Variants in DOCK4 observed in about 807,000 individuals in gnomAD.
DOCK4 encodes the protein dedicator of cytokinesis 4.
In DOCK4, 97 loss-of-function variants were observed where a neutral mutation model predicts 268.1. The ratio of observed to expected loss-of-function variants is 0.36; its 90% CI spans 0.31 to 0.43. The LOEUF is 0.43. Ranked by LOEUF, DOCK4 falls within the 20% of genes least tolerant of loss-of-function variation. The pLI is 1.00. For synonymous variants in DOCK4, 954 were observed against 887.2 expected (o/e 1.08, Z -1.34); for missense variants, 2,145 against 2,455.7 (o/e 0.87, Z 2.67).
intron 27 of DOCK4, among the ~76,000 whole-genome samples, chr7:111,822,013 G>C (rs370240522): frequency 5.3e-5 from 8 of 152,290 alleles, no homozygotes; most frequent in African/African-American, 1.9e-4. Flanking sequence ...GATTTCTTAA[G>C]AGCATTATAC....
At chr7:112,000,581 T>G (rs1800342281) in intron 2 of DOCK4, 47 bp from the exon 3 acceptor site, 2 of 1,349,686 alleles carry the variant, frequency 1.5e-6, no homozygotes, top group Non-Finnish European at 2.0e-6. Context: ...CATTGTAATA[T>G]TTTAAAGATA....
At chr7:111,983,862 G>GCGCACACACACACACACACACACACA in intron 7 of DOCK4, among the ~76,000 whole-genome samples, 8 of 138,642 alleles carry the variant, frequency 5.8e-5, no homozygotes, top group South Asian at 2.4e-4. Flanking sequence ...GCGCGCGCGC[G>GCGCACACACACACACACACACACACA]CACACACACA....
intron 36 of DOCK4, among the ~76,000 whole-genome samples, chr7:111,775,013 GTTC>G (rs775541962): frequency 2.0e-5 from 3 of 152,222 alleles, no homozygotes; most frequent in Non-Finnish European, 4.4e-5. Flanking sequence ...TCTGCTGACA[GTTC>G]AGAGGCAGAC....
rs371235592 is a variant in DOCK4 at position 111,769,511 on chromosome 7, C to T, written c.3828+18G>A. On this transcript the variant is annotated intron_variant, in intron 37 of 52. Coordinates refer to ENST00000428084, the MANE Select transcript of DOCK4 (RefSeq NM_001363540.2). ...CCATCACCCCAGGAGGGACCCCGGG[C>T]GGGGCAGGGCCACTTACTTTGCCTC... 5.0e-5 allele frequency: 81 copies of T among 1,612,632 alleles called. No homozygotes were observed. The highest frequency in any genetic ancestry group is 6.6e-5 in the South Asian group (6 of 91,026).
At chr7:111,844,679 C>T (rs887223784) in intron 25 of DOCK4, 84 bp downstream of exon 25, 5 of 1,472,218 alleles carry the variant, frequency 3.4e-6, no homozygotes, top group Admixed American at 2.3e-5. Flanking sequence ...GCCACATTTT[C>T]CAGATTATAA....
intron 25 of DOCK4, among the ~76,000 whole-genome samples, chr7:111,841,492 A>G (rs1348183610): frequency 6.6e-6 from 1 of 152,146 alleles, no homozygotes; most frequent in Non-Finnish European, 1.5e-5. Flanking sequence ...ACAGAGGCTT[A>G]GAGACATTAG....
At chr7:112,201,097 A>G (rs1820892664) in intron 1 of DOCK4, among the ~76,000 whole-genome samples, 1 of 152,202 alleles carries the variant, frequency 6.6e-6, no homozygotes, top group South Asian at 2.1e-4. Flanking sequence ...GTTAGCTAAG[A>G]AACTACAAAA....
intron 25 of DOCK4, among the ~76,000 whole-genome samples, chr7:111,837,649 A>G (rs1418910298): frequency 6.6e-6 from 1 of 152,246 alleles, no homozygotes; most frequent in African/African-American, 2.4e-5. Flanking sequence ...TATCATTAAA[A>G]TATGAAATAA....
At chr7:111,732,500 G>A (rs537862573) in intron 51 of DOCK4, 28 of 590,558 alleles carry the variant, frequency 4.7e-5, no homozygotes, top group Non-Finnish European at 7.2e-5. Flanking sequence ...GGGAGCATCA[G>A]TGAAAAGTTA....
chr7:112,172,191 G>A (rs532928832), intron 1 of DOCK4, among the ~76,000 whole-genome samples: 5 of 152,270 alleles, frequency 3.3e-5, no homozygotes, highest in South Asian at 2.1e-4. Flanking sequence ...ATTCCAGTAC[G>A]TTTCCTGTGC....
At chr7:111,830,282 C>T (rs781594290) in intron 26 of DOCK4, among the ~76,000 whole-genome samples, 2 of 151,958 alleles carry the variant, frequency 1.3e-5, no homozygotes, top group East Asian at 3.9e-4. Flanking sequence ...AAAAATCCGC[C>T]GGGCGTGGTG....
intron 5 of DOCK4, among the ~76,000 whole-genome samples, chr7:111,989,610 T>C (rs1246107130): frequency 1.3e-5 from 2 of 152,228 alleles, no homozygotes; most frequent in African/African-American, 2.4e-5. Flanking sequence ...TTCTTGCACA[T>C]TGGTCTCAAT....
intron 1 of DOCK4, among the ~76,000 whole-genome samples, chr7:112,064,219 C>T (rs1387965894): frequency 1.3e-5 from 2 of 152,184 alleles, no homozygotes; most frequent in Non-Finnish European, 2.9e-5. Context: ...TCTTGTCAGA[C>T]TAATCCTGTG....
At chr7:111,810,186 G>A (rs890454584) in intron 28 of DOCK4, among the ~76,000 whole-genome samples, 20 of 152,124 alleles carry the variant, frequency 1.3e-4, no homozygotes, top group Non-Finnish European at 2.6e-4. Flanking sequence ...AGGTGCGGTG[G>A]CTCATGCCTG....
chr7:112,160,000 C>A (rs986401457), intron 1 of DOCK4, among the ~76,000 whole-genome samples: 1 of 151,972 alleles, frequency 6.6e-6, no homozygotes, highest in Non-Finnish European at 1.5e-5. Context: ...ACATGACACT[C>A]CAATGAGCAT....
At chr7:111,900,686 C>T in intron 14 of DOCK4, 150 bp from the exon 15 acceptor site, 1 of 799,090 alleles carries the variant, frequency 1.3e-6, no homozygotes, top group African/African-American at 1.7e-5. Context: ...TCTGTACTTG[C>T]TGCTGCTTAG....
intron 8 of DOCK4, among the ~76,000 whole-genome samples, chr7:111,962,279 G>GT (rs1457072333): frequency 2.0e-5 from 3 of 152,124 alleles, no homozygotes; most frequent in Admixed American, 1.3e-4. Flanking sequence ...TTCTGGTTAG[G>GT]TTAGGTGTAT....
At chr7:111,975,689 T>C (rs1798105743) in intron 8 of DOCK4, among the ~76,000 whole-genome samples, 2 of 152,324 alleles carry the variant, frequency 1.3e-5, no homozygotes, top group South Asian at 2.1e-4. Flanking sequence ...CTAAATTCTA[T>C]GGACATAGTC....
At chr7:111,812,151 G>C (rs915869957) in intron 27 of DOCK4, among the ~76,000 whole-genome samples, 1 of 152,174 alleles carries the variant, frequency 6.6e-6, no homozygotes. Context: ...CAGGACCTTT[G>C]TAAACTGATA....
Sources: allele counts gnomAD v4.1 joint callset (sites outside exome capture counted in the v4.1 genomes callset), GRCh38; gene constraint gnomAD v4.1.1; transcripts MANE v1.5; gene names NCBI Gene and HGNC (gene_info 2026-07-23, HGNC 2026-07-21).